The following F13A1 variants were observed in gnomAD, a reference collection of about 807,000 sequenced individuals.
The protein encoded by F13A1 is FSF, A subunit.
A neutral mutation model predicts 80.1 loss-of-function variants in F13A1; 47 were observed. That is an observed-to-expected ratio of 0.59 (90% CI 0.46 to 0.75). The LOEUF (loss-of-function observed/expected upper bound fraction) is 0.75, where lower values mean the gene tolerates loss of function less well. Ranked by LOEUF, F13A1 falls within the 30% of genes least tolerant of loss-of-function variation. F13A1 has a pLI of 0.00. For missense variants in F13A1, 817 were observed against 930.4 expected, an observed-to-expected ratio of 0.88 and a Z score of 1.59; for synonymous variants, 349 against 344.9, an observed-to-expected ratio of 1.01 and a Z score of -0.13.
chr6:6,303,624 G>C (rs1053564808), intron 3 of F13A1, among the ~76,000 whole-genome samples: 2 of 152,078 alleles, frequency 1.3e-5, no homozygotes, highest in Non-Finnish European at 2.9e-5. Context: ...TGTGGAATAG[G>C]TCACTAAAAC....
chr6:6,203,960 TTATG>T (rs1325316003), intron 8 of F13A1, among the ~76,000 whole-genome samples: 1 of 152,154 alleles, frequency 6.6e-6, no homozygotes, highest in African/African-American at 2.4e-5. Context: ...ATTTATTTAT[TTATG>T]TATTTATTTT....
intron 14 of F13A1, among the ~76,000 whole-genome samples, chr6:6,148,259 G>T (rs557798199): frequency 4.6e-5 from 7 of 152,190 alleles, no homozygotes; most frequent in South Asian, 2.1e-4. Flanking sequence ...CGGAGGCAGT[G>T]GGGGAAGAGC....
chr6:6,161,474 A>C (rs1159005826), intron 13 of F13A1, among the ~76,000 whole-genome samples: 2 of 151,476 alleles, frequency 1.3e-5, no homozygotes, highest in African/African-American at 4.9e-5. Context: ...GGAGCAGTAT[A>C]ATCATAGTGT....
chr6:6,167,325 ATTTTTTTT>A (rs57207647), intron 13 of F13A1, 125 bp downstream of exon 13: 906 of 783,494 alleles, frequency 1.2e-3, no homozygotes, highest in Middle Eastern at 2.1e-3. Context: ...TAGCACTGGT[ATTTTTTTT>A]TTTTTTTTTT....
intron 13 of F13A1, among the ~76,000 whole-genome samples, chr6:6,166,852 A>G (rs565665716): frequency 6.6e-6 from 1 of 152,346 alleles, no homozygotes; most frequent in South Asian, 2.1e-4. Context: ...TGGTGATAAA[A>G]GTCAGAAAAG....
chr6:6,235,918 T>C (rs780951608), intron 6 of F13A1, among the ~76,000 whole-genome samples: 12 of 152,042 alleles, frequency 7.9e-5, no homozygotes, highest in Non-Finnish European at 1.6e-4. Context: ...AGTAAATACA[T>C]GGGCAAATAG....
At chr6:6,213,425 A>T (rs1203305942) in intron 8 of F13A1, among the ~76,000 whole-genome samples, 2 of 152,050 alleles carry the variant, frequency 1.3e-5, no homozygotes. Flanking sequence ...ATCCAGCCAA[A>T]CTAAGCTTCA....
chr6:6,275,473 G>A (rs1183722209), intron 3 of F13A1, among the ~76,000 whole-genome samples: 9 of 152,066 alleles, frequency 5.9e-5, no homozygotes, highest in Non-Finnish European at 1.3e-4. Flanking sequence ...AGGTTCAAGC[G>A]ATTCTCCTGC....
chr6:6,256,380 C>T (rs943629014), intron 4 of F13A1, among the ~76,000 whole-genome samples: 2 of 152,130 alleles, frequency 1.3e-5, no homozygotes, highest in African/African-American at 4.8e-5. Flanking sequence ...TGGCAGACAA[C>T]CACCATTACG....
intron 8 of F13A1, among the ~76,000 whole-genome samples, chr6:6,202,686 T>C (rs1761420058): frequency 6.6e-6 from 1 of 152,238 alleles, no homozygotes; most frequent in African/African-American, 2.4e-5. Context: ...CCTCATTTCA[T>C]TGAGACTTGT....
At chr6:6,163,277 G>A (rs1209039409) in intron 13 of F13A1, among the ~76,000 whole-genome samples, 1 of 152,200 alleles carries the variant, frequency 6.6e-6, no homozygotes, top group Non-Finnish European at 1.5e-5. Context: ...CTGGACCTCT[G>A]AGCCATTGTG....
chr6:6,154,508 C>T (rs970415094), intron 13 of F13A1, among the ~76,000 whole-genome samples: 1 of 152,166 alleles, frequency 6.6e-6, no homozygotes, highest in Non-Finnish European at 1.5e-5. Flanking sequence ...CACTGCATGC[C>T]AGGAGCAGCC....
chr6:6,318,688 G>GAAAAAAAA lies in F13A1; in HGVS notation c.-18-14_-18-7dup. On this transcript the variant is annotated splice_region_variant and splice_polypyrimidine_tract_variant and intron_variant, in intron 1 of 14. Transcript: ENST00000264870. The stretch of plus-strand genomic sequence containing the variant: ...ATTTTTGACTTTACAAGGTCCTTCA[G>GAAAAAAAA]AAAAAAAAAAAAAAGAAGACAACAG... 2.7e-6 allele frequency: 4 copies of GAAAAAAAA among 1,488,492 alleles called. No individual in the cohort carries two copies. The highest frequency in any genetic ancestry group is 2.0e-5 in the Admixed American group (1 of 50,576). 92.2% of individuals were successfully genotyped at this position (1,488,492 alleles called of 1,614,324 possible).
intron 8 of F13A1, among the ~76,000 whole-genome samples, chr6:6,220,637 T>G (rs1757179333): frequency 6.6e-6 from 1 of 152,166 alleles, no homozygotes; most frequent in Non-Finnish European, 1.5e-5. Flanking sequence ...ACTATCTTTT[T>G]GTCATTTTTA....
At position 6,243,244 on chromosome 6, in the gene F13A1, C is replaced by CCACCAT. The variant is rs1185408935; in HGVS notation, c.798+5062_798+5067dup. On this transcript the variant is annotated intron_variant, in intron 6 of 14. Transcript: ENST00000264870. The surrounding 1 kb of genome is among the most constrained non-coding windows in gnomAD (Gnocchi z 4.2). Reference sequence around the variant, plus strand: ...ACCATCACCGTCACCATCTCCACCACCACCATCACCATCATCATCACTATC... The same window carrying CCACCAT: ...ACCATCACCGTCACCATCTCCACCACCACCATCACCATCACCATCATCATCACTATC... Among the ~76,000 whole-genome samples, 1 of 151,688 alleles carries CCACCAT rather than the reference C, an allele frequency of 6.6e-6. No individual in the cohort carries two copies. Among genetic ancestry groups the CCACCAT allele is most frequent in the African/African-American group, 2.4e-5 (1 of 41,240 alleles).
At chr6:6,156,054 G>A (rs1760471720) in intron 13 of F13A1, among the ~76,000 whole-genome samples, 1 of 152,072 alleles carries the variant, frequency 6.6e-6, no homozygotes, top group African/African-American at 2.4e-5. Context: ...TCATTACTTG[G>A]GCCAGAGAAA....
chr6:6,253,911 C>A (rs1757669967), intron 4 of F13A1, among the ~76,000 whole-genome samples: 1 of 152,114 alleles, frequency 6.6e-6, no homozygotes. Flanking sequence ...TCTCTTTATC[C>A]TACTATATAC....
At chr6:6,276,989 A>G (rs1339273816) in intron 3 of F13A1, among the ~76,000 whole-genome samples, 1 of 152,092 alleles carries the variant, frequency 6.6e-6, no homozygotes, top group East Asian at 1.9e-4. Context: ...CCCCAGAGAA[A>G]CCTTAAAAAC....
At chr6:6,210,868 A>G (rs1761595234) in intron 8 of F13A1, among the ~76,000 whole-genome samples, 1 of 152,166 alleles carries the variant, frequency 6.6e-6, no homozygotes, top group African/African-American at 2.4e-5. Flanking sequence ...AGCGGGGATT[A>G]CAGGCATGCA....
Sources: allele counts gnomAD v4.1 joint callset (sites outside exome capture counted in the v4.1 genomes callset), GRCh38; gene constraint gnomAD v4.1.1; non-coding constraint Gnocchi (gnomAD v3.1); transcripts MANE v1.5; gene names NCBI Gene and HGNC (gene_info 2026-07-23, HGNC 2026-07-21).